Variants in EMCN observed in about 807,000 individuals in gnomAD.
The protein encoded by EMCN is endomucin, also known as MUC-14.
EMCN carries 37 observed loss-of-function variants against 38.4 expected under a neutral mutation model. That is an observed-to-expected ratio of 0.96 (90% CI 0.74 to 1.27). The LOEUF (loss-of-function observed/expected upper bound fraction) is 1.27. EMCN is among the 50% of genes most tolerant of loss of function. The probability of loss-of-function intolerance (pLI) is 0.00; values close to 1 mark genes in which losing one functional copy is unlikely to be tolerated. For missense variants in EMCN, 318 were observed against 302.8 expected (o/e 1.05, Z -0.37); for synonymous variants, 95 against 100.8 (o/e 0.94, Z 0.35).
intron 5 of EMCN, 68 bp from the exon 6 acceptor site, chr4:100,423,472 AT>A: frequency 1.8e-6 from 2 of 1,114,598 alleles, no homozygotes; most frequent in South Asian, 1.3e-5. Context: ...TTCTTTGCAG[AT>A]TCAAACAGTT....
intron 4 of EMCN, among the ~76,000 whole-genome samples, chr4:100,459,327 C>T (rs951088027): frequency 4.0e-5 from 6 of 150,498 alleles, no homozygotes; most frequent in Non-Finnish European, 4.4e-5. Flanking sequence ...ATATGGTGTA[C>T]AATGTGATGT....
intron 3 of EMCN, among the ~76,000 whole-genome samples, chr4:100,469,126 T>G (rs920611463): frequency 2.0e-5 from 3 of 152,096 alleles, no homozygotes; most frequent in Non-Finnish European, 4.4e-5. Flanking sequence ...AAGAGGTTAC[T>G]ATAAAGAAAG....
chr4:100,475,223 A>AT, intron 2 of EMCN, 114 bp from the exon 3 acceptor site: 1 of 421,470 alleles, frequency 2.4e-6, no homozygotes, highest in East Asian at 4.2e-5. Context: ...TCTATCTTTA[A>AT]TTTTTCCCAT....
chr4:100,506,363 A>G (rs1729479589), intron 1 of EMCN, among the ~76,000 whole-genome samples: 1 of 152,170 alleles, frequency 6.6e-6, no homozygotes, highest in Non-Finnish European at 1.5e-5. Flanking sequence ...TCGTATGCCT[A>G]ATGCTTAGAC....
At chr4:100,425,305 G>A (rs973769839) in intron 5 of EMCN, among the ~76,000 whole-genome samples, 1 of 151,282 alleles carries the variant, frequency 6.6e-6, no homozygotes, top group Non-Finnish European at 1.5e-5. Flanking sequence ...TGAGCCTAAT[G>A]TTATTCTTTC....
At chr4:100,484,175 C>A (rs1324760532) in intron 1 of EMCN, among the ~76,000 whole-genome samples, 1 of 152,020 alleles carries the variant, frequency 6.6e-6, no homozygotes, top group Non-Finnish European at 1.5e-5. Flanking sequence ...TTGCTGAGGT[C>A]TTTCCATAGA....
chr4:100,498,712 G>A (rs1729273841), intron 1 of EMCN, among the ~76,000 whole-genome samples: 1 of 152,148 alleles, frequency 6.6e-6, no homozygotes, highest in Non-Finnish European at 1.5e-5. Flanking sequence ...AAAGTGCTGG[G>A]AGTACAGGCG....
At chr4:100,492,360 G>T (rs983254928) in intron 1 of EMCN, among the ~76,000 whole-genome samples, 7 of 151,684 alleles carry the variant, frequency 4.6e-5, no homozygotes, top group African/African-American at 1.7e-4. Flanking sequence ...AATCAGAGGA[G>T]CAAAAAGAAA....
intron 5 of EMCN, among the ~76,000 whole-genome samples, chr4:100,425,185 A>ACACACACACACACAC (rs1560609644): frequency 5.3e-5 from 8 of 150,950 alleles, no homozygotes; most frequent in South Asian, 2.1e-4. Context: ...ACACACACAC[A>ACACACACACACACAC]ATTACTGCTC....
intron 5 of EMCN, among the ~76,000 whole-genome samples, chr4:100,437,417 T>C (rs1727386297): frequency 6.6e-6 from 1 of 151,120 alleles, no homozygotes; most frequent in Non-Finnish European, 1.5e-5. Context: ...TGTAGTCCCA[T>C]TTATTTATTT....
chr4:100,481,898 T>A (rs1461487424), intron 1 of EMCN, among the ~76,000 whole-genome samples: 1 of 151,498 alleles, frequency 6.6e-6, no homozygotes, highest in Non-Finnish European at 1.5e-5. Context: ...CCCTTCCTTC[T>A]TTCCTCCCTC....
chr4:100,514,286 A>T (rs958176551), intron 1 of EMCN, among the ~76,000 whole-genome samples: 1 of 151,780 alleles, frequency 6.6e-6, no homozygotes, highest in Non-Finnish European at 1.5e-5. Context: ...CCATTTTCCT[A>T]TTTCTGGTAT....
At chr4:100,478,330 A>G (rs1046522255) in intron 2 of EMCN, among the ~76,000 whole-genome samples, 1 of 152,040 alleles carries the variant, frequency 6.6e-6, no homozygotes, top group Non-Finnish European at 1.5e-5. Flanking sequence ...TTTCCCTCCC[A>G]CTGCTAGATT....
chr4:100,456,437 T>C (rs1388206291), intron 4 of EMCN, among the ~76,000 whole-genome samples: 1 of 152,194 alleles, frequency 6.6e-6, no homozygotes, highest in Admixed American at 6.5e-5. Flanking sequence ...GAACCATTCT[T>C]TTTCCTGCCT....
chr4:100,439,625 T>C (rs1341761002), intron 5 of EMCN, among the ~76,000 whole-genome samples: 5 of 151,658 alleles, frequency 3.3e-5, no homozygotes. Context: ...TTTTCTGTTC[T>C]CTATTTATGT....
intron 1 of EMCN, among the ~76,000 whole-genome samples, chr4:100,514,343 C>A (rs1370333509): frequency 6.6e-6 from 1 of 152,040 alleles, no homozygotes; most frequent in African/African-American, 2.4e-5. Context: ...TCCTTCACTG[C>A]CAGTCAATGA....
At chr4:100,445,568 G>T (rs1274648429) in intron 5 of EMCN, among the ~76,000 whole-genome samples, 1 of 152,158 alleles carries the variant, frequency 6.6e-6, no homozygotes, top group Non-Finnish European at 1.5e-5. Context: ...TCTATGGGCT[G>T]TAATTTTATG....
chr4:100,453,168 A>G (rs562341917), intron 4 of EMCN, among the ~76,000 whole-genome samples: 20 of 152,306 alleles, frequency 1.3e-4, no homozygotes, highest in African/African-American at 4.8e-4. Flanking sequence ...AAAATTGACA[A>G]ATGGGATCTA....
At chr4:100,417,349 A>G (rs1175884757) in intron 8 of EMCN, among the ~76,000 whole-genome samples, 1 of 152,136 alleles carries the variant, frequency 6.6e-6, no homozygotes, top group Admixed American at 6.6e-5. Context: ...GATAGTCCTA[A>G]TTAGGTCAAG....
Sources: allele counts gnomAD v4.1 joint callset (sites outside exome capture counted in the v4.1 genomes callset), GRCh38; gene constraint gnomAD v4.1.1; transcripts MANE v1.5; gene names NCBI Gene and HGNC (gene_info 2026-07-23, HGNC 2026-07-21).